Variants in DIXDC1 observed in about 807,000 individuals in gnomAD.
DIXDC1 encodes DIX domain containing 1.
Under a neutral mutation model 103.1 loss-of-function variants are expected in DIXDC1, and 64 were observed. The observed-to-expected ratio is 0.62, with a 90% CI of 0.51 to 0.76. The LOEUF (loss-of-function observed/expected upper bound fraction) is 0.76, where lower values mean the gene tolerates loss of function less well. Among genes scored for constraint, DIXDC1 ranks in the 30% least tolerant of loss-of-function variants. The pLI, the probability that DIXDC1 is intolerant of heterozygous loss-of-function variation, is 0.00. For synonymous variants in DIXDC1, 266 were observed against 298.5 expected, an observed-to-expected ratio of 0.89 and a Z score of 1.12; for missense variants, 759 against 834.2, an observed-to-expected ratio of 0.91 and a Z score of 1.11.
intron 1 of DIXDC1, among the ~76,000 whole-genome samples, chr11:111,955,339 CAAAAAAA>C (rs869169346): frequency 1.8e-4 from 9 of 49,832 alleles, no homozygotes; most frequent in Non-Finnish European, 3.4e-4. Context: ...GAGACCCTGT[CAAAAAAA>C]AAAAAAAAAA....
chr11:112,005,166 T>C (rs1380876368), intron 17 of DIXDC1, among the ~76,000 whole-genome samples: 1 of 152,096 alleles, frequency 6.6e-6, no homozygotes, highest in South Asian at 2.1e-4. Flanking sequence ...CTACTGTTTA[T>C]AGGAAACCCA....
At chr11:111,991,800 C>A (rs587717764) in intron 10 of DIXDC1, among the ~76,000 whole-genome samples, 8 of 152,298 alleles carry the variant, frequency 5.3e-5, no homozygotes, top group Admixed American at 5.2e-4. Flanking sequence ...CTGGTCCAGA[C>A]TAGGCATTGG....
At chr11:111,936,552 G>A (rs587629402), upstream of DIXDC1, among the ~76,000 whole-genome samples, 23 of 152,286 alleles carry the variant, frequency 1.5e-4, no homozygotes, top group African/African-American at 5.5e-4. Context: ...AAAAGGCTTG[G>A]TCATCCTTGA....
Position 111,977,708 on chromosome 11 carries a change from ACT to A in DIXDC1, c.656+2729_656+2730del. On this transcript the variant is annotated intron_variant, in intron 5 of 19. Transcript: ENST00000440460. This position sits in a 1 kb window ranked among gnomAD's most constrained non-coding sequence, Gnocchi z 6.1. Reference sequence around the variant, plus strand: ...CATGCCTGAATTTGGGAGCGATGTGACTCTCAGCCTCCCACTTCACCCGGGGA... The same window carrying A: ...CATGCCTGAATTTGGGAGCGATGTGACTCAGCCTCCCACTTCACCCGGGGA... 1.3e-6 allele frequency: 2 copies of A among 1,545,890 alleles called. No individual in the cohort carries two copies. Among genetic ancestry groups the A allele is most frequent in the Non-Finnish European group, 1.7e-6 (2 of 1,144,420 alleles).
At chr11:112,011,807 G>A (rs914693395) in intron 17 of DIXDC1, among the ~76,000 whole-genome samples, 3 of 152,052 alleles carry the variant, frequency 2.0e-5, no homozygotes, top group South Asian at 2.1e-4. Context: ...CTGTCGTGGA[G>A]GGGGGGACGG....
chr11:112,008,273 A>G (rs1263746836), intron 17 of DIXDC1, among the ~76,000 whole-genome samples: 1 of 152,220 alleles, frequency 6.6e-6, no homozygotes, highest in Non-Finnish European at 1.5e-5. Context: ...ACTATCCTAA[A>G]TTTATATGCA....
In DIXDC1 at chr11:111,930,681, T is replaced by C. The variant is rs587649650; in HGVS notation, c.57+771T>C. Among the ~76,000 whole-genome samples, 3 of 152,240 alleles carry C rather than the reference T, an allele frequency of 2.0e-5. No homozygotes were observed. In the East Asian group the frequency reaches 5.8e-4, roughly 29 times the overall value. ...TCGCTCACCCCTGCCCCCCACATTG[T>C]AAATAATTAATTTCCTTATTTAGGA... On this transcript the variant is annotated intron_variant, in intron 2 of 5. Transcript: ENST00000529225.
Position 111,995,533 on chromosome 11 carries a change from T to G in DIXDC1, c.1658T>G (p.Val553Gly). The change falls in exon 16 of 20, where the codon GTT becomes GGT. Residue 553 changes from valine (V) to glycine (G), a missense_variant. By Grantham distance (109) the Val-to-Gly change is moderately radical (BLOSUM62 -3). This residue lies in a region of DIXDC1 where 657 missense variants were observed against 727.5 expected (regional missense o/e 0.90). Coordinates refer to ENST00000440460, the MANE Select transcript of DIXDC1 (RefSeq NM_001037954.4). The part of the protein sequence containing the change: ...GISSLMERLH[V>G]METQKKQERK... ...TCTAGCCTCATGGAGCGCCTGCATG[T>G]TATGGAGACGCAGAAGAAACAAGAA... 6.2e-7 allele frequency: 1 copy of G among 1,613,966 alleles called. No individual in the cohort carries two copies. The highest frequency in any genetic ancestry group is 8.5e-7 in the Non-Finnish European group (1 of 1,179,894).
At chr11:111,929,401 A>C (rs1426187011) in intron 1 of DIXDC1, among the ~76,000 whole-genome samples, 6 of 151,966 alleles carry the variant, frequency 3.9e-5, no homozygotes, top group Admixed American at 3.9e-4. Context: ...TAGTATTAAT[A>C]CCTAAGCAAC....
chr11:111,980,100 C>T (rs1001762305), intron 5 of DIXDC1, among the ~76,000 whole-genome samples: 2 of 152,322 alleles, frequency 1.3e-5, no homozygotes, highest in Middle Eastern at 3.4e-3. Flanking sequence ...GGTCTTTCCC[C>T]TTTTGACATA....
Position 111,979,407 on chromosome 11 carries a change from T to G in DIXDC1, c.657-1330T>G, listed in dbSNP as rs587708941. Among the ~76,000 whole-genome samples the G allele has an allele frequency of 5.9e-5, 9 of 152,282 alleles. No individual in the cohort carries two copies. In the East Asian group the frequency reaches 1.5e-3, roughly 26 times the overall value. On this transcript the variant is annotated intron_variant, in intron 5 of 19. Coordinates refer to ENST00000440460, the MANE Select transcript of DIXDC1 (RefSeq NM_001037954.4). ...GTCAGTGAATCCTAGCCACTTTCACTGTTGTCTGGGTGATAGATTTGGAAA... is the reference window on the plus strand; with the variant it reads ...GTCAGTGAATCCTAGCCACTTTCACGGTTGTCTGGGTGATAGATTTGGAAA...
intron 8 of DIXDC1, 41 bp from the exon 9 acceptor site, chr11:111,986,830 C>T (rs1860507359): frequency 6.5e-7 from 1 of 1,541,006 alleles, no homozygotes; most frequent in Non-Finnish European, 8.8e-7. Context: ...CTGTACTTCA[C>T]AGCATAGGTG....
At chr11:111,937,127 C>CGGGGGGGG (rs200146124), upstream of DIXDC1, 7 of 519,650 alleles carry the variant, frequency 1.3e-5, no homozygotes, top group Admixed American at 4.4e-4. Context: ...TGCTGCGGCC[C>CGGGGGGGG]GGGCGGGGGG....
In DIXDC1 at chr11:111,989,065, A is replaced by T. The variant is rs1555174214; in HGVS notation, c.1113+10A>T. The T allele has an allele frequency of 6.3e-7, 1 of 1,597,360 alleles. No homozygotes were observed. The highest frequency in any genetic ancestry group is 1.8e-5 in the Admixed American group (1 of 56,796). ...CTTACAGGGGATAAAGGTAAAAAAGAAGACATTTAATTCTTTAAATAAAGT... is the reference window on the plus strand; with the variant it reads ...CTTACAGGGGATAAAGGTAAAAAAGTAGACATTTAATTCTTTAAATAAAGT... On this transcript the variant is annotated intron_variant, in intron 10 of 19. Coordinates refer to ENST00000440460, the MANE Select transcript of DIXDC1 (RefSeq NM_001037954.4).
intron 1 of DIXDC1, among the ~76,000 whole-genome samples, chr11:111,962,414 G>A (rs782022509): frequency 1.3e-5 from 2 of 152,056 alleles, no homozygotes; most frequent in Non-Finnish European, 2.9e-5. Flanking sequence ...CCTGGAAGGC[G>A]GAGGTTGCAA....
intron 7 of DIXDC1, 76 bp downstream of exon 7, chr11:111,982,563 T>C (rs746142904): frequency 6.1e-5 from 92 of 1,500,176 alleles, no homozygotes; most frequent in Non-Finnish European, 8.3e-5. Context: ...GAAAATAAAC[T>C]GATTTTAGTT....
chr11:112,019,167 A>C lies in DIXDC1; in HGVS notation c.*131A>C. ...TGCCAAAACAGAAGCTTCTCCAAGC[A>C]TGATGGCCACAGGTCAGTCCTCTTT... On this transcript the variant is annotated 3_prime_UTR_variant, in exon 20 of 20. Transcript: ENST00000440460. 1.4e-6 allele frequency: 1 copy of C among 693,438 alleles called. No individual in the cohort carries two copies. 43.0% of individuals were successfully genotyped at this position (693,438 alleles called of 1,614,324 possible).
intron 10 of DIXDC1, among the ~76,000 whole-genome samples, chr11:111,992,050 A>G (rs1347789246): frequency 6.6e-6 from 1 of 152,202 alleles, no homozygotes; most frequent in Admixed American, 6.5e-5. Flanking sequence ...TGACATCACA[A>G]AAGTAGTAAG....
Position 111,982,390 on chromosome 11 carries a change from C to G in DIXDC1, c.821C>G (p.Thr274Ser), listed in dbSNP as rs781933876. 3 of 1,613,866 alleles carry G rather than the reference C, an allele frequency of 1.9e-6. No individual in the cohort carries two copies. In the South Asian group the frequency reaches 3.3e-5, roughly 18 times the overall value. Residue 274 changes from threonine to serine, a missense_variant, in exon 7 of 20, where the codon ACC (threonine) becomes AGC (serine). Thr to Ser is a moderately conservative substitution (Grantham distance 58). Around this residue, in one of 3 missense-constraint regions of DIXDC1, gnomAD observed 657 missense variants for 727.5 expected, o/e 0.90. Transcript: ENST00000440460. Reference sequence around the variant, plus strand: ...GACTGGCGGCCAGGGAGCCCTGGAACCTATCTGGAGACCTCATGGGAAGAA... The same window carrying G: ...GACTGGCGGCCAGGGAGCCCTGGAAGCTATCTGGAGACCTCATGGGAAGAA... The part of the protein sequence containing the change: ...SRDWRPGSPG[T>S]YLETSWEEQL...
Sources: gnomAD v4.1 joint callset for allele counts (sites outside exome capture counted in the v4.1 genomes callset) on GRCh38, gnomAD v4.1.1 for gene constraint, gnomAD v4.1.1 regional missense constraint, Gnocchi (gnomAD v3.1) non-coding constraint, MANE v1.5 for transcripts, NCBI Gene and HGNC (gene_info 2026-07-23, HGNC 2026-07-21) for gene names.